The following TESK1 variants were observed in gnomAD, a reference collection of about 807,000 sequenced individuals.
TESK1 encodes testis associated actin remodelling kinase 1, also known as dual specificity testis-specific protein kinase 1.
In TESK1, 18 loss-of-function variants were observed where a neutral mutation model predicts 59.9. That is an observed-to-expected ratio of 0.30 (90% CI 0.21 to 0.45). The LOEUF is 0.45. TESK1 is among the 20% of genes least tolerant of loss of function. The pLI is 1.00. For synonymous variants in TESK1, 341 were observed against 357.4 expected, an observed-to-expected ratio of 0.95 and a Z score of 0.52; for missense variants, 748 against 840.9, an observed-to-expected ratio of 0.89 and a Z score of 1.37.
intron 9 of TESK1, 126 bp downstream of exon 9, chr9:35,608,635 G>C (rs1036131169): frequency 8.3e-6 from 8 of 960,904 alleles, no homozygotes; most frequent in Non-Finnish European, 1.1e-5. Flanking sequence ...GGCTGGGGTA[G>C]GGTGGGAGGA....
chr9:35,605,472 A>AGGCTCTTCGGC lies in TESK1; in HGVS notation c.-146_-145insCTCTTCGGCGG. The AGGCTCTTCGGC allele has an allele frequency of 1.2e-5, 3 of 241,098 alleles. No individual in the cohort carries two copies. The highest frequency in any genetic ancestry group is 2.3e-5 in the Non-Finnish European group (3 of 127,926). The allele number at this position is 241,098 out of a possible 1,614,324, so 14.9% of individuals were successfully genotyped here. A position where few individuals can be genotyped will look rare whatever the true frequency, so the allele number is the denominator to read the frequency against. ...CAGCCGGCGCGGCGGGGGCGGGTCC[A>AGGCTCTTCGGC]GGATCTTCGGCGGATCTTCCATTCT... On this transcript the variant is annotated 5_prime_UTR_variant, in exon 1 of 10. Transcript: ENST00000336395.
Position 35,609,412 on chromosome 9 carries a change from TC to T in TESK1, c.1556del (p.Pro519GlnfsTer5). The T allele has an allele frequency of 6.2e-7, 1 of 1,608,352 alleles. No homozygotes were observed. The highest frequency in any genetic ancestry group is 8.5e-7 in the Non-Finnish European group (1 of 1,176,958). Reference protein sequence around the residue: ...PRSGPVLNNNPPAVVVNSPQG... With the variant: ...PRSGPVLNNNXPAVVVNSPQG... ...GATCAGGACCCGTCCTCAATAACAA[TC>T]CCCCAGCTGTGGTGGTGAACTCCCC... On this transcript the variant is annotated frameshift_variant, in exon 10 of 10. Transcript: ENST00000336395. LOFTEE classifies it high-confidence loss of function. This position sits in a 1 kb window ranked among gnomAD's most constrained non-coding sequence, Gnocchi z 6.7.
Position 35,607,275 on chromosome 9 carries a change from C to A in TESK1, c.538-52C>A. 1 of 1,604,300 alleles carries A rather than the reference C, an allele frequency of 6.2e-7. No individual in the cohort carries two copies. The highest frequency in any genetic ancestry group is 8.5e-7 in the Non-Finnish European group (1 of 1,171,596). The stretch of plus-strand genomic sequence containing the variant: ...GGCTTTGGGTTATACATTGGGAGGC[C>A]AGACAGCAGAAGGTGATGAGTGCGT... On this transcript the variant is annotated intron_variant, in intron 4 of 9. Transcript: ENST00000336395. The surrounding 1 kb of genome is among the most constrained non-coding windows in gnomAD (Gnocchi z 4.5).
At position 35,609,906 on chromosome 9, in the gene TESK1, A is replaced by C. The variant is rs1563893259; in HGVS notation, c.*164A>C. On this transcript the variant is annotated 3_prime_UTR_variant, in exon 10 of 10. Coordinates refer to ENST00000336395, the MANE Select transcript of TESK1 (RefSeq NM_006285.3). This position sits in a 1 kb window ranked among gnomAD's most constrained non-coding sequence, Gnocchi z 6.7. ...TCAAGGGACAGAGCACTTCCAGTCG[A>C]CCCCCCGGCTCGCGTTCCCGTGGGG... The C allele has an allele frequency of 2.5e-6, 2 of 793,820 alleles. No individual in the cohort carries two copies. The highest frequency in any genetic ancestry group is 2.9e-5 in the East Asian group (1 of 34,048). The allele number at this position is 793,820 out of a possible 1,614,324, so 49.2% of individuals were successfully genotyped here. A position where few individuals can be genotyped will look rare whatever the true frequency, so the allele number is the denominator to read the frequency against.
chr9:35,607,162 T>G lies in TESK1; in HGVS notation c.538-165T>G. 8.3e-7 allele frequency: 1 copy of G among 1,210,230 alleles called. No individual in the cohort carries two copies. Among genetic ancestry groups the G allele is most frequent in the Non-Finnish European group, 1.2e-6 (1 of 857,634 alleles). 75.0% of individuals were successfully genotyped at this position (1,210,230 alleles called of 1,614,324 possible). On this transcript the variant is annotated intron_variant, in intron 4 of 9. Transcript: ENST00000336395. This position sits in a 1 kb window ranked among gnomAD's most constrained non-coding sequence, Gnocchi z 4.5. ...CTCGGAGGGACTGAGTAGCACCCTG[T>G]GTTTGGAGTGTTGGATGATGTTGCA...
chr9:35,607,368 C>T lies in TESK1; in HGVS notation c.579C>T (p.Val193=), dbSNP rs969450520. ...GGGAAGATCGAGGCTTCACCGCTGTCGTGGGTGACTTCGGGCTGGCCGAAA... is the reference window on the plus strand; with the variant it reads ...GGGAAGATCGAGGCTTCACCGCTGTTGTGGGTGACTTCGGGCTGGCCGAAA... The part of the protein sequence containing the change: ...VRREDRGFTA[V]VGDFGLAEKI... The change falls in exon 5 of 10, where the codon GTC becomes GTT. Residue 193 remains valine, a synonymous_variant. Coordinates refer to ENST00000336395, the MANE Select transcript of TESK1 (RefSeq NM_006285.3). This position sits in a 1 kb window ranked among gnomAD's most constrained non-coding sequence, Gnocchi z 4.5. 3.7e-6 allele frequency: 6 copies of T among 1,613,992 alleles called. No individual in the cohort carries two copies. The highest frequency in any genetic ancestry group is 3.3e-5 in the Admixed American group (2 of 59,998).
At position 35,610,033 on chromosome 9, in the gene TESK1, A is replaced by C; in HGVS notation, c.*291A>C. 2 of 366,256 alleles carry C rather than the reference A, an allele frequency of 5.5e-6. No homozygotes were observed. Among genetic ancestry groups the C allele is most frequent in the East Asian group, 4.9e-5 (1 of 20,270 alleles). 22.7% of individuals were successfully genotyped at this position (366,256 alleles called of 1,614,324 possible). The stretch of plus-strand genomic sequence containing the variant: ...GCCTGGCTGGCTCCGGGCCGCCCCT[A>C]TCCGCTCAGCCCGTGCGCCCTCCTC... On this transcript the variant is annotated 3_prime_UTR_variant, in exon 10 of 10. Coordinates refer to ENST00000336395, the MANE Select transcript of TESK1 (RefSeq NM_006285.3).
chr9:35,609,954 T>G lies in TESK1; in HGVS notation c.*212T>G, dbSNP rs1384744779. On this transcript the variant is annotated 3_prime_UTR_variant, in exon 10 of 10. Transcript: ENST00000336395. This position sits in a 1 kb window ranked among gnomAD's most constrained non-coding sequence, Gnocchi z 6.7. ...GGGATCACTGAACCAGACACAGCAT[T>G]GCTGACACATGAGACTAACACGTGC... 1 of 546,308 alleles carries G rather than the reference T, an allele frequency of 1.8e-6. No homozygotes were observed. The highest frequency in any genetic ancestry group is 3.6e-5 in the Admixed American group (1 of 28,010). The allele number at this position is 546,308 out of a possible 1,614,324, so 33.8% of individuals were successfully genotyped here.
Position 35,606,219 on chromosome 9 carries a change from T to C in TESK1, c.342-18T>C. 6.2e-7 allele frequency: 1 copy of C among 1,614,136 alleles called. No homozygotes were observed. The highest frequency in any genetic ancestry group is 8.5e-7 in the Non-Finnish European group (1 of 1,180,000). ...GCCTTTAATAGCCTATCCTTCTATCTTCCCCATCCTCTTGCAGGTTCATGG... is the reference window on the plus strand; with the variant it reads ...GCCTTTAATAGCCTATCCTTCTATCCTCCCCATCCTCTTGCAGGTTCATGG... On this transcript the variant is annotated intron_variant, in intron 2 of 9. Transcript: ENST00000336395.
intron 9 of TESK1, 143 bp downstream of exon 9, chr9:35,608,652 C>T (rs1822898735): frequency 1.1e-6 from 1 of 950,392 alleles, no homozygotes; most frequent in East Asian, 2.6e-5. Context: ...AGGACATCTC[C>T]AAGAAGACAG....
At position 35,605,642 on chromosome 9, in the gene TESK1, T is replaced by C; in HGVS notation, c.23T>C (p.Leu8Pro). 8.3e-7 allele frequency: 1 copy of C among 1,206,160 alleles called. No homozygotes were observed. The highest frequency in any genetic ancestry group is 3.3e-4 in the Middle Eastern group (1 of 3,070). 74.7% of individuals were successfully genotyped at this position (1,206,160 alleles called of 1,614,324 possible). The change falls in exon 1 of 10, where the codon CTG becomes CCG. Residue 8 changes from leucine (L) to proline (P), a missense_variant. Physicochemically the swap from Leu to Pro is moderately conservative, Grantham distance 98. Coordinates refer to ENST00000336395, the MANE Select transcript of TESK1 (RefSeq NM_006285.3). ...GCCATGGCCGGGGAACGGCCCCCAC[T>C]GCGGGGCCCTGGGCCCGGGCCTGGA... MAGERPP[L>P]RGPGPGPGEV...
At chr9:35,608,049 C>T (rs2131746438) in intron 7 of TESK1, 38 bp downstream of exon 7, 3 of 1,611,304 alleles carry the variant, frequency 1.9e-6, no homozygotes, top group East Asian at 2.2e-5. Context: ...GAATTCCAGA[C>T]TAGCTGGCTC....
Position 35,607,141 on chromosome 9 carries a change from G to A in TESK1, c.537+158G>A. 3 of 1,260,586 alleles carry A rather than the reference G, an allele frequency of 2.4e-6. No individual in the cohort carries two copies. The highest frequency in any genetic ancestry group is 5.1e-5 in the East Asian group (2 of 39,304). The allele number at this position is 1,260,586 out of a possible 1,614,324, so 78.1% of individuals were successfully genotyped here. ...GGGACCAGGGTGAGGGGAGTGCTCG[G>A]AGGGACTGAGTAGCACCCTGTGTTT... On this transcript the variant is annotated intron_variant, in intron 4 of 9. Transcript: ENST00000336395. The surrounding 1 kb of genome is among the most constrained non-coding windows in gnomAD (Gnocchi z 4.5).
rs897621785 is a variant in TESK1, at chr9:35,608,660, C to T, written c.1000+151C>T. 13 of 954,864 alleles carry T rather than the reference C, an allele frequency of 1.4e-5. No individual in the cohort carries two copies. In the Admixed American group the frequency reaches 2.2e-4, roughly 16 times the overall value. 59.1% of individuals were successfully genotyped at this position (954,864 alleles called of 1,614,324 possible). On this transcript the variant is annotated intron_variant, in intron 9 of 9. Coordinates refer to ENST00000336395, the MANE Select transcript of TESK1 (RefSeq NM_006285.3). ...GGGTGGGAGGACATCTCCAAGAAGA[C>T]AGTTTCCTAATGCTAAAGCTTGAGG...
chr9:35,605,491 C>T lies in TESK1; in HGVS notation c.-129C>T. 3.7e-6 allele frequency: 1 copy of T among 268,478 alleles called. No homozygotes were observed. Among genetic ancestry groups the T allele is most frequent in the Non-Finnish European group, 6.9e-6 (1 of 145,916 alleles). 16.6% of individuals were successfully genotyped at this position (268,478 alleles called of 1,614,324 possible). A position where few individuals can be genotyped will look rare whatever the true frequency, so the allele number is the denominator to read the frequency against. On this transcript the variant is annotated 5_prime_UTR_variant, in exon 1 of 10. Coordinates refer to ENST00000336395, the MANE Select transcript of TESK1 (RefSeq NM_006285.3). ...GGGTCCAGGATCTTCGGCGGATCTT[C>T]CATTCTCAGGGCGGGAGCCGGAGTC...
At chr9:35,606,784 T>C in intron 3 of TESK1, 53 bp from the exon 4 acceptor site, 1 of 1,544,816 alleles carries the variant, frequency 6.5e-7, no homozygotes, top group African/African-American at 1.4e-5. Context: ...GTGGGGGACC[T>C]AGAATACAGA....
Position 35,608,437 on chromosome 9 carries a change from C to T in TESK1, c.928C>T (p.His310Tyr). The T allele has an allele frequency of 6.2e-7, 1 of 1,614,174 alleles. No homozygotes were observed. The highest frequency in any genetic ancestry group is 8.5e-7 in the Non-Finnish European group (1 of 1,180,052). ...TGCCCCCTTCACCGAAATTACCCAG[C>T]ACCTGGAATGGATCCTGGAGCAGCT... ...TRAPFTEITQ[H>Y]LEWILEQLPE... Residue 310 changes from histidine to tyrosine, a missense_variant, in exon 9 of 10, where the codon CAC (histidine) becomes TAC (tyrosine). Transcript: ENST00000336395.
In TESK1 at chr9:35,609,514, A is replaced by G. The variant is rs1443086576; in HGVS notation, c.1653A>G (p.Glu551=). Reference sequence around the variant, plus strand: ...GGGCGGCAGCCCTGGAGCGGACAGAACCCTCGCCACCCCCTTCAGCTCCCC... The same window carrying G: ...GGGCGGCAGCCCTGGAGCGGACAGAGCCCTCGCCACCCCCTTCAGCTCCCC... The part of the protein sequence containing the change: ...LPRAAALERT[E]PSPPPSAPRE... Residue 551 remains glutamate (E), a synonymous_variant, in exon 10 of 10, where the codon GAA becomes GAG. Transcript: ENST00000336395. This position sits in a 1 kb window ranked among gnomAD's most constrained non-coding sequence, Gnocchi z 6.7. 3 of 1,609,298 alleles carry G rather than the reference A, an allele frequency of 1.9e-6. No individual in the cohort carries two copies. The highest frequency in any genetic ancestry group is 2.5e-6 in the Non-Finnish European group (3 of 1,177,552).
chr9:35,608,498 C>T lies in TESK1; in HGVS notation c.989C>T (p.Thr330Ile). The change falls in exon 9 of 10, where the codon ACA becomes ATA. Residue 330 changes from threonine to isoleucine, a missense_variant. Physicochemically the swap from Thr to Ile is moderately conservative, Grantham distance 89 (BLOSUM62 -1). This residue lies in a region of TESK1 where 447 missense variants were observed against 466.1 expected (regional missense o/e 0.96). Transcript: ENST00000336395. The part of the protein sequence containing the change: ...EPAPLTRTAL[T>I]HNQGSVARGG... ...GCCCCACTCACCAGGACCGCCCTGA[C>T]ACACAATCAGGGTAAGGGAGCCTGA... 1 of 1,613,958 alleles carries T rather than the reference C, an allele frequency of 6.2e-7. No homozygotes were observed. The highest frequency in any genetic ancestry group is 8.5e-7 in the Non-Finnish European group (1 of 1,179,856).
Sources: gnomAD v4.1 joint callset for allele counts on GRCh38, gnomAD v4.1.1 for gene constraint, gnomAD v4.1.1 regional missense constraint, Gnocchi (gnomAD v3.1) non-coding constraint, MANE v1.5 for transcripts, NCBI Gene and HGNC (gene_info 2026-07-23, HGNC 2026-07-21) for gene names.